Variants in KLHL36 observed in about 807,000 individuals in gnomAD.
KLHL36 encodes kelch-like protein 36.
Under a neutral mutation model 53.3 loss-of-function variants are expected in KLHL36, and 35 were observed. That is an observed-to-expected ratio of 0.66 (90% CI 0.50 to 0.87). KLHL36 has a LOEUF of 0.87. Ranked by LOEUF, KLHL36 falls within the 40% of genes least tolerant of loss-of-function variation. KLHL36 has a pLI of 0.00. For synonymous variants in KLHL36, 472 were observed against 398.9 expected (o/e 1.18, Z -2.18); for missense variants, 864 against 897.6 (o/e 0.96, Z 0.48).
chr16:84,651,633 TC>T (rs1398229159), intron 2 of KLHL36, among the ~76,000 whole-genome samples: 1 of 152,194 alleles, frequency 6.6e-6, no homozygotes, highest in Non-Finnish European at 1.5e-5. Flanking sequence ...TTTAGAGGTA[TC>T]CCTTTTGGAG....
chr16:84,655,040 T>C (rs1907120473), intron 2 of KLHL36, among the ~76,000 whole-genome samples: 1 of 152,220 alleles, frequency 6.6e-6, no homozygotes, highest in East Asian at 1.9e-4. Context: ...CTGGCTCTCT[T>C]TGTGGGTAAC....
In KLHL36 at chr16:84,662,548, C is replaced by A. The variant is rs774911245; in HGVS notation, c.*415C>A. 6.3e-6 allele frequency: 1 copy of A among 159,308 alleles called. No individual in the cohort carries two copies. Among genetic ancestry groups the A allele is most frequent in the Non-Finnish European group, 1.4e-5 (1 of 72,674 alleles). The allele number at this position is 159,308 out of a possible 1,614,324, so 9.9% of individuals were successfully genotyped here. A position where few individuals can be genotyped will look rare whatever the true frequency, so the allele number is the denominator to read the frequency against. Reference sequence around the variant, plus strand: ...GGCTGAACTTTTAAGAATACAGATGCGTGAGCCCCGCTCAGAATTATGGAA... The same window carrying A: ...GGCTGAACTTTTAAGAATACAGATGAGTGAGCCCCGCTCAGAATTATGGAA... On this transcript the variant is annotated 3_prime_UTR_variant, in exon 5 of 5. Transcript: ENST00000564996.
rs762813719 is a variant in KLHL36 at position 84,659,828 on chromosome 16, C to T, written c.1206C>T (p.Ile402=). 3.7e-6 allele frequency: 6 copies of T among 1,614,122 alleles called. No homozygotes were observed. The highest frequency in any genetic ancestry group is 2.2e-5 in the East Asian group (1 of 44,878). Residue 402 remains isoleucine, a synonymous_variant, in exon 4 of 5, where the codon ATC becomes ATT. Transcript: ENST00000564996. ...LASIEDMLVA[I]GGRNENGALS... is the part of the protein sequence containing the mutation. ...CCATCGAAGACATGCTGGTGGCCAT[C>T]GGCGGCCGGAATGAGAACGGAGCGC...
intron 2 of KLHL36, among the ~76,000 whole-genome samples, chr16:84,654,756 G>T (rs1008512323): frequency 6.6e-6 from 1 of 152,054 alleles, no homozygotes; most frequent in South Asian, 2.1e-4. Context: ...GATGACAGGC[G>T]CCCGCCACCA....
In KLHL36 at chr16:84,657,526, T is replaced by A; in HGVS notation, c.719T>A (p.Ile240Asn). Residue 240 changes from isoleucine to asparagine, a missense_variant, in exon 3 of 5, where the codon ATC (isoleucine) becomes AAC (asparagine). Transcript: ENST00000564996. ...CTGGAGAACATCCACTTCCCGCTCA[T>A]CCCCAAGAACGACCTGCTGCACCGC... ...QVLENIHFPL[I>N]PKNDLLHRVK... 6.2e-7 allele frequency: 1 copy of A among 1,610,016 alleles called. No homozygotes were observed. The highest frequency in any genetic ancestry group is 8.5e-7 in the Non-Finnish European group (1 of 1,179,872).
intron 3 of KLHL36, 157 bp from the exon 4 acceptor site, chr16:84,659,603 C>T (rs1394102631): frequency 1.4e-6 from 1 of 739,836 alleles, no homozygotes; most frequent in African/African-American, 1.7e-5. Flanking sequence ...GCTCAGAGCT[C>T]CCACCTGAAG....
chr16:84,654,788 T>G (rs1907105145), intron 2 of KLHL36, among the ~76,000 whole-genome samples: 1 of 152,120 alleles, frequency 6.6e-6, no homozygotes, highest in Non-Finnish European at 1.5e-5. Context: ...TTTTGTATTT[T>G]TACTAGAGAC....
In KLHL36 at chr16:84,657,600, G is replaced by T. The variant is rs1597219591; in HGVS notation, c.793G>T (p.Gly265Cys). ...SLLPKEANCE[G>C]FIEEAVRYHN... Reference sequence around the variant, plus strand: ...GCTGCCCAAGGAGGCCAACTGCGAGGGCTTCATCGAGGAGGCCGTGCGCTA... The same window carrying T: ...GCTGCCCAAGGAGGCCAACTGCGAGTGCTTCATCGAGGAGGCCGTGCGCTA... Residue 265 changes from glycine to cysteine, a missense_variant, in exon 3 of 5, where the codon GGC becomes TGC. Physicochemically the swap from Gly to Cys is radical, Grantham distance 159. Coordinates refer to ENST00000564996, the MANE Select transcript of KLHL36 (RefSeq NM_024731.4). 1 of 1,611,298 alleles carries T rather than the reference G, an allele frequency of 6.2e-7. No individual in the cohort carries two copies. The highest frequency in any genetic ancestry group is 8.5e-7 in the Non-Finnish European group (1 of 1,179,848).
At position 84,656,928 on chromosome 16, in the gene KLHL36, C is replaced by G. The variant is rs1036518368; in HGVS notation, c.121C>G (p.Leu41Val). 6.2e-7 allele frequency: 1 copy of G among 1,613,158 alleles called. No individual in the cohort carries two copies. Among genetic ancestry groups the G allele is most frequent in the African/African-American group, 1.3e-5 (1 of 74,946 alleles). Reference sequence around the variant, plus strand: ...GCTGCAGCGGCTGAACGAGCAGCGTCTCCGCGGGCTCTTCTGCGACGTCGT... The same window carrying G: ...GCTGCAGCGGCTGAACGAGCAGCGTGTCCGCGGGCTCTTCTGCGACGTCGT... Reference protein sequence around the residue: ...TVLQRLNEQRLRGLFCDVVLV... With the variant: ...TVLQRLNEQRVRGLFCDVVLV... Residue 41 changes from leucine (L) to valine (V), a missense_variant, in exon 3 of 5, where the codon CTC becomes GTC. Transcript: ENST00000564996.
chr16:84,662,123 G>A lies in KLHL36; in HGVS notation c.1841G>A (p.Arg614Gln), dbSNP rs776360460. Reference protein sequence around the residue: ...KKGKGKRHQDRGQ With the variant: ...KKGKGKRHQDQGQ ...GGCAAAGGCAAGAGGCACCAGGACC[G>A]GGGCCAGTGACCCTAGCTGCGCCTC... is the stretch of plus-strand genomic sequence containing the variant. Residue 614 changes from arginine (R) to glutamine (Q), a missense_variant, in exon 5 of 5, where the codon CGG (arginine) becomes CAG (glutamine). Coordinates refer to ENST00000564996, the MANE Select transcript of KLHL36 (RefSeq NM_024731.4). 9.7e-6 allele frequency: 15 copies of A among 1,540,748 alleles called. No individual in the cohort carries two copies. The highest frequency in any genetic ancestry group is 2.3e-5 in the East Asian group (1 of 42,758).
chr16:84,664,102 C>T lies in KLHL36; in HGVS notation c.*1969C>T, dbSNP rs540344289. On this transcript the variant is annotated 3_prime_UTR_variant, in exon 5 of 5. Transcript: ENST00000564996. ...TCCAAACTTCTTTGAGCCTAAAAGT[C>T]GTTTGTCTCATACCTAGTCCCAGAC... The T allele has an allele frequency of 1.3e-5, 2 of 152,186 alleles. No homozygotes were observed. Among genetic ancestry groups the T allele is most frequent in the African/African-American group, 2.4e-5 (1 of 41,448 alleles). The allele number at this position is 152,186 out of a possible 1,614,324, so 9.4% of individuals were successfully genotyped here.
At chr16:84,652,116 A>G (rs1012420076) in intron 2 of KLHL36, among the ~76,000 whole-genome samples, 1 of 152,180 alleles carries the variant, frequency 6.6e-6, no homozygotes, top group Non-Finnish European at 1.5e-5. Flanking sequence ...CTCGCTCACA[A>G]GGGCTTTGTT....
chr16:84,656,301 G>A (rs900604167), intron 2 of KLHL36, among the ~76,000 whole-genome samples: 2 of 143,818 alleles, frequency 1.4e-5, no homozygotes, highest in African/African-American at 5.2e-5. Context: ...CGGAGTTCTT[G>A]CTCTGTCTCC....
Position 84,648,985 on chromosome 16 carries a change from G to A in KLHL36, c.-17+336G>A, listed in dbSNP as rs934910208. The A allele has an allele frequency of 1.3e-5, 2 of 152,220 alleles. No homozygotes were observed. Among genetic ancestry groups the A allele is most frequent in the African/African-American group, 4.8e-5 (2 of 41,460 alleles). 9.4% of individuals were successfully genotyped at this position (152,220 alleles called of 1,614,324 possible). ...TGCGCTGAGTTCCGCCTGGGCTGCG[G>A]GGTCCGAGCGAACGACAGCGGCGTC... On this transcript the variant is annotated intron_variant, in intron 1 of 4. Transcript: ENST00000564996. This position sits in a 1 kb window ranked among gnomAD's most constrained non-coding sequence, Gnocchi z 4.9.
rs552562858 is a variant in KLHL36 at position 84,661,107 on chromosome 16, C to T, written c.1296-471C>T. Among the ~76,000 whole-genome samples the T allele has an allele frequency of 6.6e-6, 1 of 152,206 alleles. No homozygotes were observed. The highest frequency in any genetic ancestry group is 1.5e-5 in the Non-Finnish European group (1 of 68,032). ...TGTCCATCCCTCCCTCCCCTCTCCC[C>T]ACAGTCCTGGCAGCCACTGATTTTG... On this transcript the variant is annotated intron_variant, in intron 4 of 4. Transcript: ENST00000564996. The surrounding 1 kb of genome is among the most constrained non-coding windows in gnomAD (Gnocchi z 7.9).
At chr16:84,652,960 G>A (rs1030942481) in intron 2 of KLHL36, among the ~76,000 whole-genome samples, 7 of 152,150 alleles carry the variant, frequency 4.6e-5, no homozygotes, top group African/African-American at 1.7e-4. Context: ...GCTCACGCCT[G>A]TAATCCCAGC....
rs1343675409 is a variant in KLHL36, at chr16:84,656,912, G to A, written c.105G>A (p.Arg35=). 1 of 1,612,404 alleles carries A rather than the reference G, an allele frequency of 6.2e-7. No homozygotes were observed. Among genetic ancestry groups the A allele is most frequent in the Admixed American group, 1.7e-5 (1 of 59,992 alleles). Reference sequence around the variant, plus strand: ...ACCACTCAAGCACGGTGCTGCAGCGGCTGAACGAGCAGCGTCTCCGCGGGC... The same window carrying A: ...ACCACTCAAGCACGGTGCTGCAGCGACTGAACGAGCAGCGTCTCCGCGGGC... ...WADHSSTVLQ[R]LNEQRLRGLF... is the part of the protein sequence containing the mutation. The change falls in exon 3 of 5, where the codon CGG becomes CGA. Residue 35 remains arginine (R), a synonymous_variant. Transcript: ENST00000564996.
At chr16:84,658,827 C>T (rs936264693) in intron 3 of KLHL36, 1 of 152,158 alleles carries the variant, frequency 6.6e-6, no homozygotes, top group Non-Finnish European at 1.5e-5. Context: ...GAATGGACTC[C>T]AGCTGACCTT....
Position 84,661,569 on chromosome 16 carries a change from A to G in KLHL36, c.1296-9A>G. 6 of 1,568,464 alleles carry G rather than the reference A, an allele frequency of 3.8e-6. No homozygotes were observed. The highest frequency in any genetic ancestry group is 5.2e-6 in the Non-Finnish European group (6 of 1,153,146). On this transcript the variant is annotated splice_polypyrimidine_tract_variant and intron_variant, in intron 4 of 4. Coordinates refer to ENST00000564996, the MANE Select transcript of KLHL36 (RefSeq NM_024731.4). This position sits in a 1 kb window ranked among gnomAD's most constrained non-coding sequence, Gnocchi z 7.9. Reference sequence around the variant, plus strand: ...GCTCTCCCTCTGTCTCTGCCCGTCGACCCTGCAGGTTCACGTACGGCCACG... The same window carrying G: ...GCTCTCCCTCTGTCTCTGCCCGTCGGCCCTGCAGGTTCACGTACGGCCACG...
Sources: allele counts gnomAD v4.1 joint callset (sites outside exome capture counted in the v4.1 genomes callset), GRCh38; gene constraint gnomAD v4.1.1; non-coding constraint Gnocchi (gnomAD v3.1); transcripts MANE v1.5; gene names NCBI Gene and HGNC (gene_info 2026-07-23, HGNC 2026-07-21).